Variants in GUCY2F observed in about 807,000 individuals in gnomAD.
GUCY2F encodes the protein guanylate cyclase 2F, retinal.
A neutral mutation model predicts 73.1 loss-of-function variants in GUCY2F; 61 were observed. The observed-to-expected ratio is 0.83, with a 90% CI of 0.68 to 1.03. The LOEUF is 1.03. Ranked by LOEUF, GUCY2F falls within the 50% of genes least tolerant of loss-of-function variation. The pLI is 0.00. For synonymous variants in GUCY2F, 331 were observed against 307.8 expected (o/e 1.08, Z -0.79); for missense variants, 912 against 854.3 (o/e 1.07, Z -0.84).
chrX:109,397,507 C>T (rs1930737234), intron 11 of GUCY2F, among the ~76,000 whole-genome samples: 1 of 111,710 alleles, frequency 9.0e-6, no homozygotes, highest in Non-Finnish European at 1.9e-5. Flanking sequence ...GTACAATTGC[C>T]TGTACACCTT....
At chrX:109,380,425 G>A (rs754716132) in intron 17 of GUCY2F, among the ~76,000 whole-genome samples, 101 of 111,282 alleles carry the variant, frequency 9.1e-4, no homozygotes, top group African/African-American at 3.2e-3. Context: ...GAGGTAGAGG[G>A]TACAGACACA....
At chrX:109,403,742 A>G (rs1321395877) in intron 10 of GUCY2F, among the ~76,000 whole-genome samples, 2 of 112,445 alleles carry the variant, frequency 1.8e-5, no homozygotes, top group Non-Finnish European at 3.8e-5. Context: ...ACAAAATGAA[A>G]TTCTGTTTTC....
chrX:109,395,289 T>C, intron 12 of GUCY2F, 52 bp downstream of exon 12: 3 of 1,062,831 alleles, frequency 2.8e-6, no homozygotes, highest in Non-Finnish European at 3.9e-6. Flanking sequence ...TAGCCTTGTG[T>C]AGGCTGACTT....
rs780950682 is a variant in GUCY2F, at chrX:109,382,099, A to T, written c.3150+19T>A. On this transcript the variant is annotated intron_variant, in intron 17 of 19. Coordinates refer to ENST00000218006, the MANE Select transcript of GUCY2F (RefSeq NM_001522.3). ...GTGTATCCAAGTAGTCTGGCTCAAA[A>T]AACAAAAAGACATTATACCTTGAGC... is the stretch of plus-strand genomic sequence containing the variant. 18 of 1,027,763 alleles carry T rather than the reference A, an allele frequency of 1.8e-5. No homozygotes were observed. The highest frequency in any genetic ancestry group is 2.3e-5 in the Non-Finnish European group (17 of 731,110). The allele number at this position is 1,027,763 out of a possible 1,213,427, so 84.7% of individuals were successfully genotyped here. A position where few individuals can be genotyped will look rare whatever the true frequency, so the allele number is the denominator to read the frequency against.
chrX:109,386,044 C>A (rs1157578329), intron 15 of GUCY2F, among the ~76,000 whole-genome samples: 1 of 110,946 alleles, frequency 9.0e-6, no homozygotes, highest in African/African-American at 3.3e-5. Context: ...TCAAGTGATC[C>A]CCCCACCTCG....
intron 7 of GUCY2F, among the ~76,000 whole-genome samples, chrX:109,434,301 G>C (rs905323576): frequency 2.7e-5 from 3 of 110,586 alleles, no homozygotes; most frequent in African/African-American, 9.9e-5. Context: ...GCCATTCACA[G>C]CTCTTTCTGC....
intron 7 of GUCY2F, among the ~76,000 whole-genome samples, chrX:109,438,508 C>G: frequency 8.9e-6 from 1 of 112,835 alleles, no homozygotes; most frequent in East Asian, 2.8e-4. Flanking sequence ...GAGAAGTAGG[C>G]AAGAAGAAAG....
intron 15 of GUCY2F, among the ~76,000 whole-genome samples, chrX:109,387,857 T>C (rs1930471533): frequency 9.0e-6 from 1 of 111,234 alleles, no homozygotes; most frequent in South Asian, 3.8e-4. Context: ...TAAAAGCCAA[T>C]TGAGGAGCAT....
At chrX:109,414,064 C>T (rs747398877) in intron 8 of GUCY2F, among the ~76,000 whole-genome samples, 33 of 110,693 alleles carry the variant, frequency 3.0e-4, no homozygotes, top group East Asian at 2.5e-3. Flanking sequence ...GATTCTCGTG[C>T]GAATCTCCTC....
In GUCY2F at chrX:109,475,417, G is replaced by A; in HGVS notation, c.520C>T (p.Arg174Trp). The part of the protein sequence containing the change: ...TFSRTLPSPI[R>W]VLVTVMKYFQ... ...TATTTCATGACAGTTACAAGCACCC[G>A]GATGGGAGAAGGGAGTGTCCGAGAA... The change falls in exon 2 of 20, where the codon CGG becomes TGG. Residue 174 changes from arginine to tryptophan, a missense_variant. Transcript: ENST00000218006. 3.3e-6 allele frequency: 4 copies of A among 1,210,645 alleles called. No individual in the cohort carries two copies. The highest frequency in any genetic ancestry group is 1.8e-5 in the South Asian group (1 of 56,968).
chrX:109,451,775 T>G (rs770280716), intron 5 of GUCY2F, among the ~76,000 whole-genome samples: 3 of 111,585 alleles, frequency 2.7e-5, no homozygotes, highest in South Asian at 3.8e-4. Context: ...ATTTCACCAT[T>G]GTGTTGAGAG....
chrX:109,456,523 G>A (rs756395488), intron 3 of GUCY2F, among the ~76,000 whole-genome samples: 1 of 111,197 alleles, frequency 9.0e-6, no homozygotes, highest in South Asian at 3.8e-4. Context: ...AACACACTGG[G>A]TTTTCAGCTG....
intron 5 of GUCY2F, among the ~76,000 whole-genome samples, 198 bp from the exon 6 acceptor site, chrX:109,448,363 A>G (rs1932069190): frequency 8.9e-6 from 1 of 111,895 alleles, no homozygotes; most frequent in Non-Finnish European, 1.9e-5. Flanking sequence ...TGCAGTTACA[A>G]AGACCAAAAA....
At chrX:109,431,216 A>T (rs781734178) in intron 7 of GUCY2F, among the ~76,000 whole-genome samples, 7 of 111,878 alleles carry the variant, frequency 6.3e-5, no homozygotes, top group Admixed American at 9.5e-5. Flanking sequence ...TTTTAAAAAA[A>T]ATATCAATAT....
chrX:109,445,834 G>T (rs1400883426), intron 6 of GUCY2F, among the ~76,000 whole-genome samples: 1 of 111,761 alleles, frequency 8.9e-6, no homozygotes, highest in Non-Finnish European at 1.9e-5. Flanking sequence ...AAGTCAAATT[G>T]TGCCTGTTTG....
chrX:109,448,683 C>G (rs193293195), intron 5 of GUCY2F, among the ~76,000 whole-genome samples: 18 of 112,252 alleles, frequency 1.6e-4, no homozygotes, highest in African/African-American at 4.8e-4. Flanking sequence ...ATCCTTACTC[C>G]CTGGCTGTGG....
intron 2 of GUCY2F, among the ~76,000 whole-genome samples, chrX:109,470,407 A>C (rs1487496144): frequency 8.9e-6 from 1 of 111,979 alleles, no homozygotes; most frequent in Non-Finnish European, 1.9e-5. Context: ...TAAGGCTCCT[A>C]GTCATAGTAT....
intron 8 of GUCY2F, among the ~76,000 whole-genome samples, chrX:109,422,836 T>C (rs1223728784): frequency 8.9e-6 from 1 of 111,972 alleles, no homozygotes; most frequent in Non-Finnish European, 1.9e-5. Context: ...TGCACTTATA[T>C]TGACAATAGC....
chrX:109,429,500 C>A (rs1271336070), intron 8 of GUCY2F, among the ~76,000 whole-genome samples: 4 of 111,722 alleles, frequency 3.6e-5, no homozygotes, highest in Non-Finnish European at 7.5e-5. Flanking sequence ...CTATCTTCCA[C>A]AGGCCACATG....
Sources: allele counts gnomAD v4.1 joint callset (sites outside exome capture counted in the v4.1 genomes callset), GRCh38; gene constraint gnomAD v4.1.1; transcripts MANE v1.5; gene names NCBI Gene and HGNC (gene_info 2026-07-23, HGNC 2026-07-21).